The following RALGPS1 variants were observed in gnomAD, a reference collection of about 807,000 sequenced individuals.
RALGPS1 encodes ras-specific guanine nucleotide-releasing factor RalGPS1.
A neutral mutation model predicts 78.8 loss-of-function variants in RALGPS1; 19 were observed. That is an observed-to-expected ratio of 0.24 (90% confidence interval 0.17 to 0.35). The LOEUF is 0.35. Ranked by LOEUF, RALGPS1 falls within the 10% of genes least tolerant of loss-of-function variation. RALGPS1 has a pLI of 1.00. For synonymous variants in RALGPS1, 228 were observed against 256.3 expected (o/e 0.89, Z 1.06); for missense variants, 454 against 688.3 (o/e 0.66, Z 3.81).
chr9:127,144,164 G>T (rs2057958102), intron 8 of RALGPS1, among the ~76,000 whole-genome samples: 1 of 152,210 alleles, frequency 6.6e-6, no homozygotes, highest in African/African-American at 2.4e-5. Context: ...GCCTGAAAAT[G>T]GAGCTGCTTC....
intron 3 of RALGPS1, among the ~76,000 whole-genome samples, chr9:126,974,950 C>T (rs1222142171): frequency 6.9e-6 from 1 of 145,264 alleles, no homozygotes; most frequent in Non-Finnish European, 1.6e-5. Context: ...TTACCCCAAC[C>T]CCTACCCATA....
chr9:127,105,471 G>T (rs1054706980), intron 8 of RALGPS1, among the ~76,000 whole-genome samples: 1 of 152,174 alleles, frequency 6.6e-6, no homozygotes, highest in Non-Finnish European at 1.5e-5. Context: ...CTAGTCACTT[G>T]GGTTCCCAAC....
rs1387867150 is a variant in RALGPS1 at position 127,221,031 on chromosome 9, G to GA, written c.*2264dup. The stretch of plus-strand genomic sequence containing the variant: ...AACATTCTTAGCTCGGACTCTTGAA[G>GA]AATCTCTTTAGATTTTGTTGGCAAA... On this transcript the variant is annotated 3_prime_UTR_variant, in exon 19 of 19. Transcript: ENST00000259351. 5.2e-5 allele frequency: 8 copies of GA among 152,496 alleles called. 1 individual carries two copies. The highest frequency in any genetic ancestry group is 5.2e-4 in the Admixed American group (8 of 15,286). 9.4% of individuals were successfully genotyped at this position (152,496 alleles called of 1,614,324 possible).
At chr9:127,153,375 CTTTTTTTT>C (rs60308901) in intron 8 of RALGPS1, among the ~76,000 whole-genome samples, 74 of 102,118 alleles carry the variant, frequency 7.2e-4, no homozygotes, top group South Asian at 2.8e-3. Context: ...TAGAGGATTA[CTTTTTTTT>C]TTTTTTTTTT....
At chr9:126,962,737 A>G (rs1349912801) in intron 2 of RALGPS1, among the ~76,000 whole-genome samples, 1 of 152,204 alleles carries the variant, frequency 6.6e-6, no homozygotes, top group Non-Finnish European at 1.5e-5. Flanking sequence ...TACCTTGCTC[A>G]GTGGGAAATG....
intron 11 of RALGPS1, among the ~76,000 whole-genome samples, chr9:127,187,382 C>T (rs1307158268): frequency 3.9e-5 from 6 of 152,192 alleles, no homozygotes; most frequent in African/African-American, 1.2e-4. Context: ...CCTCCCCAGC[C>T]ACCACAAGAG....
chr9:126,927,955 G>A (rs1181123122), intron 1 of RALGPS1, among the ~76,000 whole-genome samples: 1 of 152,202 alleles, frequency 6.6e-6, no homozygotes, highest in African/African-American at 2.4e-5. Flanking sequence ...TGCTTGGGTA[G>A]CAGGGAAAAG....
At chr9:126,921,942 A>C (rs2034807455) in intron 1 of RALGPS1, among the ~76,000 whole-genome samples, 1 of 152,090 alleles carries the variant, frequency 6.6e-6, no homozygotes, top group African/African-American at 2.4e-5. Context: ...AAGTTATATG[A>C]GTTACTGCAC....
chr9:127,101,391 A>G (rs1435299466), intron 8 of RALGPS1, among the ~76,000 whole-genome samples: 1 of 152,202 alleles, frequency 6.6e-6, no homozygotes, highest in African/African-American at 2.4e-5. Context: ...CTGTGTCCCC[A>G]TAAGACTGTG....
At chr9:127,108,368 G>A in intron 8 of RALGPS1, 2 of 1,610,368 alleles carry the variant, frequency 1.2e-6, no homozygotes, top group Non-Finnish European at 1.7e-6. Flanking sequence ...TTGCGCAGCA[G>A]CTTCACCTCG....
chr9:126,933,399 T>C (rs1033956981), intron 1 of RALGPS1, among the ~76,000 whole-genome samples: 1 of 152,188 alleles, frequency 6.6e-6, no homozygotes, highest in Non-Finnish European at 1.5e-5. Context: ...GGTGAGTGTC[T>C]GACGGGAAAG....
chr9:127,192,206 A>G (rs2061103114), intron 11 of RALGPS1, among the ~76,000 whole-genome samples: 2 of 152,136 alleles, frequency 1.3e-5, no homozygotes, highest in Admixed American at 1.3e-4. Flanking sequence ...GTGACAAGAG[A>G]GGTGGGCAGG....
At chr9:126,928,853 C>T (rs519213) in intron 1 of RALGPS1, among the ~76,000 whole-genome samples, 3 of 152,132 alleles carry the variant, frequency 2.0e-5, no homozygotes, top group South Asian at 2.1e-4. Context: ...CCACCCGCCT[C>T]GGCTTCCCAA....
At chr9:127,084,322 G>A (rs1287323818) in intron 8 of RALGPS1, among the ~76,000 whole-genome samples, 1 of 152,148 alleles carries the variant, frequency 6.6e-6, no homozygotes, top group African/African-American at 2.4e-5. Context: ...AGGAAGAAGG[G>A]AGAGAGAACG....
intron 3 of RALGPS1, among the ~76,000 whole-genome samples, chr9:126,967,165 A>G (rs1473007836): frequency 1.3e-5 from 2 of 152,130 alleles, no homozygotes; most frequent in African/African-American, 4.8e-5. Context: ...TGGCACATGC[A>G]TCATCTCCTT....
intron 1 of RALGPS1, among the ~76,000 whole-genome samples, chr9:126,926,853 G>A (rs1415807630): frequency 6.6e-6 from 1 of 152,154 alleles, no homozygotes; most frequent in Non-Finnish European, 1.5e-5. Flanking sequence ...CTACTTGGTA[G>A]ATGGGAGGAA....
intron 4 of RALGPS1, among the ~76,000 whole-genome samples, chr9:127,017,514 A>G (rs893017042): frequency 6.6e-6 from 1 of 152,244 alleles, no homozygotes; most frequent in Non-Finnish European, 1.5e-5. Flanking sequence ...ACATTACTGT[A>G]ATACACAACT....
intron 1 of RALGPS1, among the ~76,000 whole-genome samples, chr9:126,931,797 A>C (rs938696986): frequency 2.6e-5 from 4 of 152,244 alleles, no homozygotes; most frequent in Admixed American, 6.5e-5. Flanking sequence ...GAATTTAAAA[A>C]AATAACTTTT....
chr9:127,154,734 G>A (rs2058617193), intron 8 of RALGPS1, among the ~76,000 whole-genome samples: 1 of 152,200 alleles, frequency 6.6e-6, no homozygotes, highest in African/African-American at 2.4e-5. Context: ...TATACTTAAA[G>A]ACTAGGTACA....
Sources: gnomAD v4.1 joint callset for allele counts (sites outside exome capture counted in the v4.1 genomes callset) on GRCh38, gnomAD v4.1.1 for gene constraint, MANE v1.5 for transcripts, NCBI Gene and HGNC (gene_info 2026-07-23, HGNC 2026-07-21) for gene names.